The following SH2D4B variants were observed in gnomAD, a reference collection of about 807,000 sequenced individuals.
The protein encoded by SH2D4B is SH2 domain containing 4B, also known as SH2 domain-containing protein 4B.
In SH2D4B, 45 loss-of-function variants were observed where a neutral mutation model predicts 61.5. The ratio of observed to expected loss-of-function variants is 0.73; its 90% confidence interval spans 0.58 to 0.94. The LOEUF (loss-of-function observed/expected upper bound fraction) is 0.94. SH2D4B is among the 40% of genes least tolerant of loss of function. SH2D4B has a pLI of 0.00. For missense variants in SH2D4B, 572 were observed against 574.2 expected, an observed-to-expected ratio of 1.00 and a Z score of 0.04; for synonymous variants, 224 against 220.4, an observed-to-expected ratio of 1.02 and a Z score of -0.14.
intron 3 of SH2D4B, among the ~76,000 whole-genome samples, chr10:80,585,994 G>C (rs896733947): frequency 2.0e-5 from 3 of 152,160 alleles, no homozygotes; most frequent in Non-Finnish European, 4.4e-5. Context: ...CCGCCAGCCC[G>C]GGCAATGAGG....
intron 1 of SH2D4B, among the ~76,000 whole-genome samples, chr10:80,548,176 C>T (rs74378628): frequency 0.015 from 2,269 of 152,202 alleles, 52 homozygotes; most frequent in African/African-American, 0.052. Context: ...GATCATTTTT[C>T]TTTCTTCTTA....
chr10:80,554,558 C>G lies in SH2D4B; in HGVS notation c.185-15596C>G, dbSNP rs538764083. Among the ~76,000 whole-genome samples, 42 of 152,234 alleles carry G rather than the reference C, an allele frequency of 2.8e-4. No homozygotes were observed. The South Asian group carries it at 8.1e-3, about 29-fold the overall frequency. ...AGGACAGCCCAGCAAGGTGGAAACT[C>G]AAGCAGCATTTCTATGTTACAGTCT... On this transcript the variant is annotated intron_variant, in intron 1 of 7. Coordinates refer to ENST00000646907, the MANE Select transcript of SH2D4B (RefSeq NM_001388272.1).
intron 7 of SH2D4B, among the ~76,000 whole-genome samples, chr10:80,639,786 G>T (rs950589895): frequency 6.6e-6 from 1 of 152,142 alleles, no homozygotes. Context: ...TACATTTAAG[G>T]TTAATATTGT....
Position 80,539,819 on chromosome 10 carries a change from T to G in SH2D4B, c.184+1304T>G. On this transcript the variant is annotated intron_variant, in intron 1 of 7. Coordinates refer to ENST00000646907, the MANE Select transcript of SH2D4B (RefSeq NM_001388272.1). The surrounding 1 kb of genome is among the most constrained non-coding windows in gnomAD (Gnocchi z 4.9). ...AGAGGTGGCACATGGTGTTAAATCC[T>G]TGTTTTGAACAAGACACAGCAGGAC... 6.6e-6 allele frequency among the ~76,000 whole-genome samples: 1 copy of G among 152,168 alleles called. No individual in the cohort carries two copies. Among genetic ancestry groups the G allele is most frequent in the South Asian group, 2.1e-4 (1 of 4,836 alleles).
At chr10:80,601,763 G>T (rs1842453939) in intron 4 of SH2D4B, among the ~76,000 whole-genome samples, 1 of 152,202 alleles carries the variant, frequency 6.6e-6, no homozygotes, top group Non-Finnish European at 1.5e-5. Flanking sequence ...TTTCTTTCAG[G>T]AACAGGTCTA....
At chr10:80,546,388 G>A (rs1443927136) in intron 1 of SH2D4B, among the ~76,000 whole-genome samples, 1 of 151,762 alleles carries the variant, frequency 6.6e-6, no homozygotes, top group Non-Finnish European at 1.5e-5. Context: ...TTTGAACTTG[G>A]GTTTTAGCCT....
intron 3 of SH2D4B, among the ~76,000 whole-genome samples, chr10:80,587,618 G>A (rs991607092): frequency 6.6e-6 from 1 of 152,078 alleles, no homozygotes; most frequent in African/African-American, 2.4e-5. Flanking sequence ...GATTCCAGAG[G>A]TGCATGTGCA....
intron 4 of SH2D4B, among the ~76,000 whole-genome samples, chr10:80,596,635 G>A (rs1195188079): frequency 6.6e-6 from 1 of 152,238 alleles, no homozygotes; most frequent in Non-Finnish European, 1.5e-5. Context: ...GTTCCGTCCT[G>A]TGGAGTTACT....
intron 6 of SH2D4B, among the ~76,000 whole-genome samples, chr10:80,615,863 C>T (rs1367184085): frequency 1.3e-5 from 2 of 152,168 alleles, no homozygotes; most frequent in African/African-American, 4.8e-5. Context: ...ATAACACCCA[C>T]TACGTAGTAG....
intron 4 of SH2D4B, among the ~76,000 whole-genome samples, chr10:80,603,124 G>A (rs1414214427): frequency 7.2e-5 from 11 of 152,108 alleles, no homozygotes; most frequent in Non-Finnish European, 1.5e-4. Context: ...TGTGGGTGAC[G>A]GTGGTAGTGT....
At chr10:80,624,236 T>C (rs544389429) in intron 6 of SH2D4B, among the ~76,000 whole-genome samples, 2 of 152,326 alleles carry the variant, frequency 1.3e-5, no homozygotes, top group South Asian at 4.1e-4. Context: ...GCAGGGTAAT[T>C]GCTAGACTCT....
Position 80,588,706 on chromosome 10 carries a change from A to G in SH2D4B, c.572A>G (p.Tyr191Cys), listed in dbSNP as rs1243168941. Residue 191 changes from tyrosine to cysteine, a missense_variant, in exon 4 of 8, where the codon TAC (tyrosine) becomes TGC (cysteine). By Grantham distance (194) the Tyr-to-Cys change is radical (BLOSUM62 -2). Transcript: ENST00000646907. ...GAAGAGCAGAGGGCGAAGGAGCTCT[A>G]CTGGACCCTGAAGCAGGCTCAGCTG... ...LQEEQRAKEL[Y>C]WTLKQAQLHC... 1 of 1,613,990 alleles carries G rather than the reference A, an allele frequency of 6.2e-7. No homozygotes were observed. The highest frequency in any genetic ancestry group is 1.3e-5 in the African/African-American group (1 of 74,938).
chr10:80,592,152 C>T (rs1842335840), intron 4 of SH2D4B, among the ~76,000 whole-genome samples: 2 of 152,126 alleles, frequency 1.3e-5, no homozygotes, highest in Non-Finnish European at 2.9e-5. Flanking sequence ...TGATGTTGAA[C>T]ATTTTAAAAA....
At chr10:80,587,557 G>A (rs907343251) in intron 3 of SH2D4B, among the ~76,000 whole-genome samples, 5 of 150,964 alleles carry the variant, frequency 3.3e-5, no homozygotes, top group African/African-American at 7.3e-5. Flanking sequence ...GGGATTACAC[G>A]CGTGAGCCAC....
At chr10:80,603,877 C>A in intron 5 of SH2D4B, 82 bp downstream of exon 5, 1 of 1,291,332 alleles carries the variant, frequency 7.7e-7, no homozygotes, top group Non-Finnish European at 1.1e-6. Flanking sequence ...CGTCCCGGGT[C>A]TGCCCCAGAT....
At chr10:80,607,120 G>C (rs192558809) in intron 5 of SH2D4B, among the ~76,000 whole-genome samples, 7 of 152,302 alleles carry the variant, frequency 4.6e-5, no homozygotes, top group Admixed American at 4.6e-4. Flanking sequence ...CAGATTCCCT[G>C]CTTAGAAACT....
intron 6 of SH2D4B, among the ~76,000 whole-genome samples, chr10:80,631,389 C>T (rs149711736): frequency 3.9e-5 from 6 of 152,266 alleles, no homozygotes; most frequent in African/African-American, 1.4e-4. Context: ...GCTGGGACCA[C>T]AGGCATGTGC....
chr10:80,610,988 T>G (rs1442128884), intron 6 of SH2D4B, among the ~76,000 whole-genome samples: 1 of 151,758 alleles, frequency 6.6e-6, no homozygotes, highest in East Asian at 1.9e-4. Context: ...CTGGCCAACA[T>G]GATGAAAGCT....
At chr10:80,602,968 C>A (rs1183427964) in intron 4 of SH2D4B, among the ~76,000 whole-genome samples, 2 of 152,160 alleles carry the variant, frequency 1.3e-5, no homozygotes, top group Non-Finnish European at 2.9e-5. Flanking sequence ...AGCTGATTTA[C>A]TTTGGGCTAG....
Sources: gnomAD v4.1 joint callset for allele counts (sites outside exome capture counted in the v4.1 genomes callset) on GRCh38, gnomAD v4.1.1 for gene constraint, Gnocchi (gnomAD v3.1) non-coding constraint, MANE v1.5 for transcripts, NCBI Gene and HGNC (gene_info 2026-07-23, HGNC 2026-07-21) for gene names.